The following CUX2 variants were observed in gnomAD, a reference collection of about 807,000 sequenced individuals.
The protein encoded by CUX2 is cut like homeobox 2.
Under a neutral mutation model 144.8 loss-of-function variants are expected in CUX2, and 40 were observed. The observed-to-expected ratio is 0.28, with a 90% CI of 0.21 to 0.36. CUX2 has a LOEUF of 0.36. Among genes scored for constraint, CUX2 ranks in the 10% least tolerant of loss-of-function variants. CUX2 has a pLI of 1.00. For missense variants in CUX2, 1,615 were observed against 1,994.0 expected (o/e 0.81, Z 3.62); for synonymous variants, 827 against 875.6 (o/e 0.94, Z 0.98).
chr12:111,142,641 G>C (rs1340371311), intron 1 of CUX2, among the ~76,000 whole-genome samples: 1 of 152,030 alleles, frequency 6.6e-6, no homozygotes, highest in African/African-American at 2.4e-5. Flanking sequence ...GTGCTTATCG[G>C]TTCCTTTTGT....
rs886513551 is a variant in CUX2, at chr12:111,037,566, C to G, written c.63+3326C>G. On this transcript the variant is annotated intron_variant, in intron 1 of 21. Coordinates refer to ENST00000261726, the MANE Select transcript of CUX2 (RefSeq NM_015267.4). This position sits in a 1 kb window ranked among gnomAD's most constrained non-coding sequence, Gnocchi z 5.4. ...CCGGCACTCCTGAAACTACCTCCCC[C>G]CGTCTTTGCTTCTTTTTTGCCTTTG... Among the ~76,000 whole-genome samples the G allele has an allele frequency of 6.6e-6, 1 of 152,218 alleles. No individual in the cohort carries two copies. The highest frequency in any genetic ancestry group is 2.4e-5 in the African/African-American group (1 of 41,448).
chr12:111,262,616 C>T (rs1386575308), intron 3 of CUX2, among the ~76,000 whole-genome samples: 2 of 152,126 alleles, frequency 1.3e-5, no homozygotes, highest in East Asian at 3.9e-4. Flanking sequence ...TGAGCTCAAA[C>T]AATCCTCCCG....
intron 3 of CUX2, among the ~76,000 whole-genome samples, chr12:111,257,589 CCTCCTCCTT>C (rs1883899104): frequency 8.5e-6 from 1 of 117,286 alleles, no homozygotes; most frequent in African/African-American, 3.4e-5. Flanking sequence ...CTTTCCTCTC[CCTCCTCCTT>C]CTCCTCCTCA....
chr12:111,090,828 G>GT (rs1018335916), intron 1 of CUX2, among the ~76,000 whole-genome samples: 108 of 149,040 alleles, frequency 7.2e-4, no homozygotes, highest in South Asian at 1.7e-3. Flanking sequence ...CACTCTCTCT[G>GT]TTTTTTTTTT....
chr12:111,267,401 G>A (rs1884441895), intron 4 of CUX2, among the ~76,000 whole-genome samples: 1 of 152,082 alleles, frequency 6.6e-6, no homozygotes, highest in Admixed American at 6.6e-5. Context: ...CACGCCCCAT[G>A]GGAGCAGGTC....
At chr12:111,207,148 G>C (rs1339792245) in intron 1 of CUX2, among the ~76,000 whole-genome samples, 1 of 152,140 alleles carries the variant, frequency 6.6e-6, no homozygotes, top group Non-Finnish European at 1.5e-5. Flanking sequence ...GCCCAACTTG[G>C]GACCACACTA....
chr12:111,054,026 CG>C (rs1870405096), intron 1 of CUX2, among the ~76,000 whole-genome samples: 1 of 152,096 alleles, frequency 6.6e-6, no homozygotes, highest in Non-Finnish European at 1.5e-5. Flanking sequence ...TGGTGGCACA[CG>C]CCTGTAATCC....
At position 111,186,790 on chromosome 12, in the gene CUX2, T is replaced by TG. The variant is rs1879562207; in HGVS notation, c.64-27410_64-27409insG. Among the ~76,000 whole-genome samples, 1 of 151,942 alleles carries TG rather than the reference T, an allele frequency of 6.6e-6. No homozygotes were observed. The highest frequency in any genetic ancestry group is 1.5e-5 in the Non-Finnish European group (1 of 67,956). ...CGATATGATGTGTGTATGTTTTTTTTTTTTTTGAGACAGAATTTCACCGCA... is the reference window on the plus strand; with the variant it reads ...CGATATGATGTGTGTATGTTTTTTTTGTTTTTTGAGACAGAATTTCACCGCA... On this transcript the variant is annotated intron_variant, in intron 1 of 21. Coordinates refer to ENST00000261726, the MANE Select transcript of CUX2 (RefSeq NM_015267.4). The surrounding 1 kb of genome is among the most constrained non-coding windows in gnomAD (Gnocchi z 4.4).
intron 1 of CUX2, among the ~76,000 whole-genome samples, chr12:111,199,820 T>C (rs1039329360): frequency 2.6e-5 from 4 of 152,082 alleles, no homozygotes; most frequent in African/African-American, 9.7e-5. Flanking sequence ...TGGATCTCTG[T>C]GTGTCTGTGT....
intron 1 of CUX2, among the ~76,000 whole-genome samples, chr12:111,123,540 T>A (rs543068792): frequency 2.6e-4 from 39 of 151,550 alleles, no homozygotes; most frequent in Non-Finnish European, 5.0e-4. Context: ...ATTAGCTCAC[T>A]TAATTTTTTT....
intron 3 of CUX2, among the ~76,000 whole-genome samples, chr12:111,243,633 A>G (rs1183931597): frequency 2.0e-5 from 3 of 150,664 alleles, no homozygotes; most frequent in Non-Finnish European, 1.5e-5. Flanking sequence ...CCTCCCAAGT[A>G]GCTGGGACTA....
At chr12:111,249,592 G>C (rs920292013) in intron 3 of CUX2, among the ~76,000 whole-genome samples, 15 of 151,738 alleles carry the variant, frequency 9.9e-5, no homozygotes, top group African/African-American at 3.4e-4. Flanking sequence ...GAGTAGCTGG[G>C]ATCACAGGCA....
intron 9 of CUX2, among the ~76,000 whole-genome samples, chr12:111,300,268 G>C (rs912608901): frequency 6.6e-6 from 1 of 152,024 alleles, no homozygotes; most frequent in Non-Finnish European, 1.5e-5. Context: ...CTACAGGCAC[G>C]CACCACCACA....
At position 111,102,227 on chromosome 12, in the gene CUX2, C is replaced by T. The variant is rs7305997; in HGVS notation, c.63+67987C>T. Reference sequence around the variant, plus strand: ...CGCGCCAAATGCTGTGCCTGTCTCTCCTCCAACGGTCTGGTGAGGTGGGCA... The same window carrying T: ...CGCGCCAAATGCTGTGCCTGTCTCTTCTCCAACGGTCTGGTGAGGTGGGCA... On this transcript the variant is annotated intron_variant, in intron 1 of 21. Coordinates refer to ENST00000261726, the MANE Select transcript of CUX2 (RefSeq NM_015267.4). Among the ~76,000 whole-genome samples the T allele has an allele frequency of 7.6e-3, 1,158 of 152,306 alleles. 17 individuals are homozygous for T. Among genetic ancestry groups the T allele is most frequent in the African/African-American group, 0.027 (1,123 of 41,580 alleles).
At chr12:111,340,383 T>C (rs1040780034) in intron 20 of CUX2, among the ~76,000 whole-genome samples, 2 of 152,122 alleles carry the variant, frequency 1.3e-5, no homozygotes, top group African/African-American at 4.8e-5. Flanking sequence ...CTGAAGGCTG[T>C]TCAGAAATTC....
chr12:111,260,576 G>A (rs1345816097), intron 3 of CUX2, among the ~76,000 whole-genome samples: 1 of 152,104 alleles, frequency 6.6e-6, no homozygotes, highest in African/African-American at 2.4e-5. Context: ...TGCATTTCAA[G>A]TGCTCAGTAG....
At chr12:111,296,970 A>G (rs1886035568) in intron 8 of CUX2, among the ~76,000 whole-genome samples, 1 of 133,042 alleles carries the variant, frequency 7.5e-6, no homozygotes, top group African/African-American at 2.9e-5. Context: ...CCTCCCTCTG[A>G]CCCTCCAGTA....
intron 3 of CUX2, among the ~76,000 whole-genome samples, chr12:111,233,598 G>A (rs929035874): frequency 6.6e-6 from 1 of 152,140 alleles, no homozygotes; most frequent in Non-Finnish European, 1.5e-5. Context: ...GGGAGGGGGC[G>A]GGGGAGCAAG....
chr12:111,119,796 G>A (rs1040964885), intron 1 of CUX2, among the ~76,000 whole-genome samples: 1 of 152,172 alleles, frequency 6.6e-6, no homozygotes, highest in Non-Finnish European at 1.5e-5. Context: ...AGTGGCTTGC[G>A]CCTGTAATCC....
Sources: gnomAD v4.1 joint callset for allele counts (sites outside exome capture counted in the v4.1 genomes callset) on GRCh38, gnomAD v4.1.1 for gene constraint, Gnocchi (gnomAD v3.1) non-coding constraint, MANE v1.5 for transcripts, NCBI Gene and HGNC (gene_info 2026-07-23, HGNC 2026-07-21) for gene names.